The following CRYBG1 variants were observed in gnomAD, a reference collection of about 807,000 sequenced individuals.
The protein encoded by CRYBG1 is beta/gamma crystallin domain-containing protein 1.
In CRYBG1, 139 loss-of-function variants were observed where a neutral mutation model predicts 189.2. The observed-to-expected ratio is 0.73, with a 90% CI of 0.64 to 0.85. The LOEUF is 0.85. Among genes scored for constraint, CRYBG1 ranks in the 40% least tolerant of loss-of-function variants. The pLI is 0.00. For synonymous variants in CRYBG1, 1,023 were observed against 1,017.1 expected (o/e 1.01, Z -0.11); for missense variants, 2,611 against 2,675.8 (o/e 0.98, Z 0.53).
At chr6:106,480,964 C>CT (rs1772437760) in intron 2 of CRYBG1, among the ~76,000 whole-genome samples, 1 of 62,768 alleles carries the variant, frequency 1.6e-5, no homozygotes, top group Non-Finnish European at 2.6e-5. Context: ...GAGTGAGACT[C>CT]TGTCTTTTTT....
intron 2 of CRYBG1, among the ~76,000 whole-genome samples, chr6:106,504,947 T>C (rs1222481206): frequency 1.4e-5 from 2 of 145,992 alleles, no homozygotes; most frequent in South Asian, 2.1e-4. Flanking sequence ...CTGGAAGTTA[T>C]TAAAAAAAAA....
intron 2 of CRYBG1, among the ~76,000 whole-genome samples, chr6:106,471,382 T>C (rs1361102091): frequency 1.3e-5 from 2 of 152,148 alleles, no homozygotes; most frequent in Admixed American, 1.3e-4. Context: ...TACACCAATG[T>C]GTGGGTCTTC....
At chr6:106,562,768 T>C (rs887319850) in intron 20 of CRYBG1, among the ~76,000 whole-genome samples, 73 of 152,362 alleles carry the variant, frequency 4.8e-4, no homozygotes, top group Middle Eastern at 3.4e-3. Context: ...ATTACAGGCA[T>C]AAGCCACTGC....
At chr6:106,398,228 A>G (rs1198311892) in intron 1 of CRYBG1, among the ~76,000 whole-genome samples, 1 of 152,112 alleles carries the variant, frequency 6.6e-6, no homozygotes, top group Non-Finnish European at 1.5e-5. Flanking sequence ...AAAATCCAGC[A>G]AACCGGCCAG....
intron 1 of CRYBG1, among the ~76,000 whole-genome samples, chr6:106,395,260 T>A (rs1371101294): frequency 1.3e-5 from 2 of 151,404 alleles, no homozygotes; most frequent in African/African-American, 2.4e-5. Context: ...ATAAAAAAAA[T>A]AAAAAACTGC....
chr6:106,379,654 G>A (rs977094473), intron 1 of CRYBG1, among the ~76,000 whole-genome samples: 6 of 151,894 alleles, frequency 4.0e-5, no homozygotes, highest in Non-Finnish European at 8.8e-5. Context: ...TAATTCCTGG[G>A]CTCAAGCAAT....
In CRYBG1 at chr6:106,360,859, C is replaced by A. The variant is rs533008287; in HGVS notation, c.-50C>A. 20 of 1,489,512 alleles carry A rather than the reference C, an allele frequency of 1.3e-5. No homozygotes were observed. Among genetic ancestry groups the A allele is most frequent in the East Asian group, 1.0e-4 (4 of 39,636 alleles). 92.3% of individuals were successfully genotyped at this position (1,489,512 alleles called of 1,614,324 possible). On this transcript the variant is annotated 5_prime_UTR_variant, in exon 1 of 22. Transcript: ENST00000633556. ...GGTGTGTTCTTCCATAGGGCCCGGG[C>A]GGCAGAGAGGACCGCGTCCCGGCAG...
At chr6:106,560,335 A>C (rs1774679432) in intron 18 of CRYBG1, among the ~76,000 whole-genome samples, 1 of 152,230 alleles carries the variant, frequency 6.6e-6, no homozygotes, top group African/African-American at 2.4e-5. Flanking sequence ...CAGCAGTAGC[A>C]TCTGAGCGGA....
At chr6:106,425,951 AT>A (rs779906731) in intron 1 of CRYBG1, among the ~76,000 whole-genome samples, 69 of 152,242 alleles carry the variant, frequency 4.5e-4, no homozygotes, top group Non-Finnish European at 8.2e-4. Context: ...TTCACTTTAA[AT>A]TCATGACCAC....
At chr6:106,549,149 C>T (rs990990621) in intron 13 of CRYBG1, among the ~76,000 whole-genome samples, 1 of 152,006 alleles carries the variant, frequency 6.6e-6, no homozygotes, top group Non-Finnish European at 1.5e-5. Flanking sequence ...TGTAGATTTT[C>T]TTGATGTGCA....
In CRYBG1 at chr6:106,555,892, G is replaced by A; in HGVS notation, c.5710G>A (p.Asp1904Asn). Reference sequence around the variant, plus strand: ...AACTTTCAAGTCTCTTCGTTTTATAGATGTTGTAAGTATGTCATTGTGAAT... The same window carrying A: ...AACTTTCAAGTCTCTTCGTTTTATAAATGTTGTAAGTATGTCATTGTGAAT... ...GATFKSLRFI[D>N]VEFSEPTIIL... The change falls in exon 17 of 22, where the codon GAT (aspartate) becomes AAT (asparagine). Residue 1904 changes from aspartate (D) to asparagine (N), a missense_variant. Asp to Asn is a conservative substitution (Grantham distance 23, BLOSUM62 1). Coordinates refer to ENST00000633556, the MANE Select transcript of CRYBG1 (RefSeq NM_001371242.2). 6.2e-7 allele frequency: 1 copy of A among 1,614,178 alleles called. No individual in the cohort carries two copies. The highest frequency in any genetic ancestry group is 8.5e-7 in the Non-Finnish European group (1 of 1,180,004).
intron 2 of CRYBG1, among the ~76,000 whole-genome samples, chr6:106,493,363 G>T (rs1162555236): frequency 6.6e-6 from 1 of 152,152 alleles, no homozygotes; most frequent in Non-Finnish European, 1.5e-5. Context: ...GAAGATGTTG[G>T]GAAACTGGAA....
intron 2 of CRYBG1, chr6:106,457,397 T>A (rs550029803): frequency 4.6e-5 from 7 of 152,342 alleles, no homozygotes; most frequent in African/African-American, 1.7e-4. Context: ...AGTCCATTCA[T>A]AAGGGCAGAG....
Position 106,558,495 on chromosome 6 carries a change from GAACC to G in CRYBG1, c.5729_5732del (p.Pro1910GlnfsTer75), listed in dbSNP as rs1419901280. 6.3e-7 allele frequency: 1 copy of G among 1,593,018 alleles called. No homozygotes were observed. Among genetic ancestry groups the G allele is most frequent in the Admixed American group, 1.8e-5 (1 of 56,788 alleles). On this transcript the variant is annotated frameshift_variant, in exon 18 of 22. Coordinates refer to ENST00000633556, the MANE Select transcript of CRYBG1 (RefSeq NM_001371242.2). LOFTEE classifies it high-confidence loss of function. The stretch of plus-strand genomic sequence containing the variant: ...TTTTGTTCCTCAACAGGAATTTTCT[GAACC>G]AACAATTATTCTCTTTGAAAGAGAA...
chr6:106,539,284 T>G, intron 8 of CRYBG1, 119 bp from the exon 9 acceptor site: 1 of 1,166,254 alleles, frequency 8.6e-7, no homozygotes, highest in Non-Finnish European at 1.2e-6. Flanking sequence ...CAACCATTCA[T>G]TATGTAGGTC....
chr6:106,520,560 G>T lies in CRYBG1; in HGVS notation c.3352G>T (p.Ala1118Ser). ...FTEIIKQMDS[A>S]VCMPMKRKKA... Reference sequence around the variant, plus strand: ...TGAAATTATAAAACAGATGGATAGCGCAGTTTGTATGCCCATGAAAAGAAA... The same window carrying T: ...TGAAATTATAAAACAGATGGATAGCTCAGTTTGTATGCCCATGAAAAGAAA... The change falls in exon 4 of 22, where the codon GCA (alanine) becomes TCA (serine). Residue 1118 changes from alanine to serine, a missense_variant. Ala to Ser is a moderately conservative substitution (Grantham distance 99, BLOSUM62 1). Transcript: ENST00000633556. The T allele has an allele frequency of 6.2e-7, 1 of 1,614,092 alleles. No individual in the cohort carries two copies. The highest frequency in any genetic ancestry group is 1.3e-5 in the African/African-American group (1 of 75,032).
intron 2 of CRYBG1, among the ~76,000 whole-genome samples, chr6:106,474,302 T>C (rs1296112535): frequency 1.3e-5 from 2 of 152,188 alleles, no homozygotes; most frequent in African/African-American, 4.8e-5. Context: ...TATGATCATG[T>C]GCTTACACCT....
rs188741052 is a variant in CRYBG1 at position 106,409,327 on chromosome 6, A to T, written c.174-42367A>T. On this transcript the variant is annotated intron_variant, in intron 1 of 21. Transcript: ENST00000633556. ...ATACAACTTACAAGGGATGTGAAAGACCTCTTCAAGGAGAACTACAAACCA... is the reference window on the plus strand; with the variant it reads ...ATACAACTTACAAGGGATGTGAAAGTCCTCTTCAAGGAGAACTACAAACCA... Among the ~76,000 whole-genome samples the T allele has an allele frequency of 1.7e-4, 26 of 152,278 alleles. No individual in the cohort carries two copies. In the East Asian group the frequency reaches 4.8e-3, roughly 28 times the overall value.
intron 2 of CRYBG1, among the ~76,000 whole-genome samples, chr6:106,471,201 C>T (rs1420684134): frequency 3.3e-5 from 5 of 152,140 alleles, no homozygotes; most frequent in African/African-American, 1.2e-4. Context: ...AGAAAGGCTA[C>T]CCAAGCTTGG....
Sources: gnomAD v4.1 joint callset for allele counts (sites outside exome capture counted in the v4.1 genomes callset) on GRCh38, gnomAD v4.1.1 for gene constraint, MANE v1.5 for transcripts, NCBI Gene and HGNC (gene_info 2026-07-23, HGNC 2026-07-21) for gene names.